The following SRGAP3 variants were observed in gnomAD, a reference collection of about 807,000 sequenced individuals.
SRGAP3 encodes SLIT-ROBO Rho GTPase activating protein 3, also known as SLIT-ROBO Rho GTPase-activating protein 3.
A neutral mutation model predicts 121.1 loss-of-function variants in SRGAP3; 39 were observed. The observed-to-expected ratio is 0.32, with a 90% CI of 0.25 to 0.42. The LOEUF (loss-of-function observed/expected upper bound fraction) is 0.42. SRGAP3 is among the 10% of genes least tolerant of loss of function. The pLI, the probability that SRGAP3 is intolerant of heterozygous loss-of-function variation, is 1.00. For synonymous variants in SRGAP3, 601 were observed against 570.0 expected (o/e 1.05, Z -0.77); for missense variants, 1,213 against 1,470.6 (o/e 0.82, Z 2.86).
chr3:9,195,361 G>A (rs1335445108), intron 1 of SRGAP3, among the ~76,000 whole-genome samples: 3 of 152,142 alleles, frequency 2.0e-5, no homozygotes. Context: ...GTAAGGGTCA[G>A]GTCCAACACA....
intron 3 of SRGAP3, among the ~76,000 whole-genome samples, chr3:9,080,743 G>A (rs570780073): frequency 6.6e-6 from 1 of 152,156 alleles, no homozygotes; most frequent in African/African-American, 2.4e-5. Context: ...TCGAACCCTG[G>A]TGTGAACTGC....
chr3:9,329,782 G>A (rs1955575435), intron 2 of SRGAP3, among the ~76,000 whole-genome samples: 1 of 151,686 alleles, frequency 6.6e-6, no homozygotes, highest in Admixed American at 6.6e-5. Flanking sequence ...CCTTTTTTGG[G>A]TGGGAGGAAA....
At chr3:9,254,120 A>G (rs938060226), upstream of SRGAP3, among the ~76,000 whole-genome samples, 7 of 152,204 alleles carry the variant, frequency 4.6e-5, no homozygotes, top group African/African-American at 1.7e-4. Flanking sequence ...AATTTTTCTA[A>G]TATCAATTCA....
intron 4 of SRGAP3, among the ~76,000 whole-genome samples, chr3:9,067,755 C>T (rs1274602036): frequency 6.6e-6 from 1 of 152,050 alleles, no homozygotes; most frequent in Non-Finnish European, 1.5e-5. Context: ...ACACGTTTAC[C>T]TATGTAACAA....
At chr3:9,268,490 A>C (rs1954411265) in intron 3 of SRGAP3, among the ~76,000 whole-genome samples, 1 of 152,128 alleles carries the variant, frequency 6.6e-6, no homozygotes, top group South Asian at 2.1e-4. Flanking sequence ...TCTGCTGTTT[A>C]AGCCACCCAG....
At chr3:9,043,371 A>G (rs1945110880) in intron 10 of SRGAP3, among the ~76,000 whole-genome samples, 1 of 152,064 alleles carries the variant, frequency 6.6e-6, no homozygotes. Flanking sequence ...TCTCTTTTCC[A>G]TGAGGGCAGG....
At chr3:9,155,386 T>C (rs1048473482) in intron 1 of SRGAP3, among the ~76,000 whole-genome samples, 18 of 152,212 alleles carry the variant, frequency 1.2e-4, no homozygotes, top group African/African-American at 3.6e-4. Context: ...TGTGGATTTA[T>C]TTTTGTCACT....
At chr3:9,101,178 A>AG (rs2124899919) in intron 3 of SRGAP3, among the ~76,000 whole-genome samples, 1 of 152,348 alleles carries the variant, frequency 6.6e-6, no homozygotes, top group African/African-American at 2.4e-5. Context: ...TTCTTTATTG[A>AG]GGGACATCTA....
chr3:9,047,836 C>A (rs1043246440), intron 9 of SRGAP3, among the ~76,000 whole-genome samples: 1 of 152,204 alleles, frequency 6.6e-6, no homozygotes, highest in African/African-American at 2.4e-5. Context: ...TGTGCTTCTG[C>A]GCCAAGAGCA....
intron 1 of SRGAP3, among the ~76,000 whole-genome samples, chr3:9,229,571 G>T (rs542745929): frequency 6.6e-6 from 1 of 152,300 alleles, no homozygotes; most frequent in Non-Finnish European, 1.5e-5. Flanking sequence ...CTAGCCAGCG[G>T]CCTGTGTCAC....
intron 14 of SRGAP3, among the ~76,000 whole-genome samples, chr3:9,019,385 A>T (rs929202105): frequency 6.6e-6 from 1 of 152,186 alleles, no homozygotes; most frequent in Non-Finnish European, 1.5e-5. Context: ...AGTGTTTTGA[A>T]TTTTTGCCAG....
intron 3 of SRGAP3, among the ~76,000 whole-genome samples, chr3:9,271,297 G>A (rs569905601): frequency 1.5e-4 from 23 of 152,274 alleles, no homozygotes; most frequent in South Asian, 8.3e-4. Context: ...TCACACCACC[G>A]CACTCCAGCC....
At chr3:9,304,221 A>G (rs951665633) in intron 3 of SRGAP3, among the ~76,000 whole-genome samples, 1 of 152,196 alleles carries the variant, frequency 6.6e-6, no homozygotes, top group Non-Finnish European at 1.5e-5. Context: ...AACACCCAGC[A>G]GAGAGCCTGG....
chr3:9,158,963 G>A lies in SRGAP3; in HGVS notation c.68-34046C>T, dbSNP rs552769472. On this transcript the variant is annotated intron_variant, in intron 1 of 21. Transcript: ENST00000383836. ...AGCCCATCGGCAGCCAGAGGAGGAA[G>A]AGTCTCCCCTACTCACCCTAGTCTC... Among the ~76,000 whole-genome samples the A allele has an allele frequency of 2.0e-5, 3 of 152,276 alleles. No individual in the cohort carries two copies. The East Asian group carries it at 5.8e-4, about 29-fold the overall frequency.
intron 3 of SRGAP3, among the ~76,000 whole-genome samples, chr3:9,295,496 C>T (rs1297503180): frequency 2.0e-5 from 3 of 152,140 alleles, no homozygotes; most frequent in Admixed American, 2.0e-4. Context: ...ATTAACCACA[C>T]ACATTTATTT....
intron 1 of SRGAP3, among the ~76,000 whole-genome samples, chr3:9,346,797 T>C (rs1213156630): frequency 6.7e-6 from 1 of 149,734 alleles, no homozygotes; most frequent in Non-Finnish European, 1.5e-5. Context: ...TCTTCTCCCC[T>C]GAGGCTGAAG....
In SRGAP3 at chr3:9,109,380, T is replaced by G. The variant is rs1948534174; in HGVS notation, c.261-4538A>C. On this transcript the variant is annotated intron_variant, in intron 2 of 21. Coordinates refer to ENST00000383836, the MANE Select transcript of SRGAP3 (RefSeq NM_014850.4). The surrounding 1 kb of genome is among the most constrained non-coding windows in gnomAD (Gnocchi z 4.4). ...GCACAGCGCTGTCCTTATCAGAAGC[T>G]GCAAGCCAGGAGGCAGTGCGGTATA... Among the ~76,000 whole-genome samples, 1 of 152,142 alleles carries G rather than the reference T, an allele frequency of 6.6e-6. No homozygotes were observed.
intron 5 of SRGAP3, among the ~76,000 whole-genome samples, chr3:9,060,830 G>A (rs984987445): frequency 6.6e-6 from 1 of 152,254 alleles, no homozygotes; most frequent in South Asian, 2.1e-4. Context: ...AGATGAGTAA[G>A]GGCTGGACCT....
rs1330117437 is a variant in SRGAP3 at position 9,064,274 on chromosome 3, CCCA to C, written c.672+119_672+121del. ...TGGCTACATTGTCCCATCCCCCCTA[CCCA>C]CCACCACCCCACTGGGATGCAGGGG... is the stretch of plus-strand genomic sequence containing the variant. On this transcript the variant is annotated intron_variant, in intron 5 of 21. Transcript: ENST00000383836. The C allele has an allele frequency of 3.0e-6, 4 of 1,350,166 alleles. No individual in the cohort carries two copies. In the African/African-American group the frequency reaches 4.3e-5, roughly 15 times the overall value. The allele number at this position is 1,350,166 out of a possible 1,614,324, so 83.6% of individuals were successfully genotyped here. A position where few individuals can be genotyped will look rare whatever the true frequency, so the allele number is the denominator to read the frequency against.
Sources: allele counts gnomAD v4.1 joint callset (sites outside exome capture counted in the v4.1 genomes callset), GRCh38; gene constraint gnomAD v4.1.1; non-coding constraint Gnocchi (gnomAD v3.1); transcripts MANE v1.5; gene names NCBI Gene and HGNC (gene_info 2026-07-23, HGNC 2026-07-21).